Variants in CFAP96 observed in about 807,000 individuals in gnomAD.
CFAP96 encodes the protein cilia-and flagella-associated protein 96.
the CFAP96 span, chr4:185,440,760 A>C: frequency 1.3e-6 from 1 of 745,612 alleles, no homozygotes. Context: ...AAGTATTATA[A>C]AGAAATACTG....
At chr4:185,422,708 G>T in the CFAP96 span, 2 of 661,514 alleles carry the variant, frequency 3.0e-6, no homozygotes, top group African/African-American at 1.9e-5. Context: ...TTGTTTTATA[G>T]AAAAAACAAA....
the CFAP96 span, among the ~76,000 whole-genome samples, chr4:185,427,258 T>A: frequency 2.0e-5 from 3 of 152,174 alleles, no homozygotes; most frequent in Non-Finnish European, 4.4e-5. Context: ...TAAATGAAAG[T>A]ACTAAATCTT....
the CFAP96 span, among the ~76,000 whole-genome samples, chr4:185,434,292 C>T: frequency 1.6e-4 from 24 of 152,100 alleles, no homozygotes; most frequent in Non-Finnish European, 2.9e-4. Flanking sequence ...TACCTTTTGA[C>T]ACTTTGGATA....
chr4:185,431,148 T>TG, the CFAP96 span, among the ~76,000 whole-genome samples: 2 of 150,094 alleles, frequency 1.3e-5, no homozygotes, highest in East Asian at 3.9e-4. Flanking sequence ...AGGTGGAGGT[T>TG]GCAGTGAGCT....
chr4:185,445,686 G>A, the CFAP96 span: 2 of 559,206 alleles, frequency 3.6e-6, no homozygotes, highest in East Asian at 6.1e-5. Flanking sequence ...GTTCTTTGGA[G>A]TAAAAACAAT....
chr4:185,436,211 T>C, the CFAP96 span: 1 of 1,545,180 alleles, frequency 6.5e-7, no homozygotes, highest in Admixed American at 2.0e-5. Context: ...CTTTGTCATA[T>C]CGTTTGTTTT....
the CFAP96 span, chr4:185,445,195 C>T: frequency 1.5e-6 from 2 of 1,306,518 alleles, no homozygotes; most frequent in Non-Finnish European, 2.1e-6. Context: ...TATACTTCTT[C>T]AAAATAGTAT....
the CFAP96 span, chr4:185,422,539 G>A: frequency 3.1e-6 from 5 of 1,610,476 alleles, no homozygotes; most frequent in African/African-American, 4.0e-5. Context: ...ATTCTGAAGA[G>A]TATATCCATA....
chr4:185,418,459 G>C, the CFAP96 span: 1 of 1,608,848 alleles, frequency 6.2e-7, no homozygotes, highest in Non-Finnish European at 8.5e-7. Flanking sequence ...ATAACTTTTT[G>C]TCCTTCTTTC....
the CFAP96 span, chr4:185,415,029 T>TA: frequency 2.7e-6 from 2 of 743,782 alleles, no homozygotes; most frequent in African/African-American, 1.9e-5. Flanking sequence ...GTAAAATGAA[T>TA]AGTCTAAATT....
the CFAP96 span, among the ~76,000 whole-genome samples, chr4:185,448,899 A>T: frequency 3.3e-5 from 5 of 152,186 alleles, no homozygotes; most frequent in African/African-American, 7.2e-5. Flanking sequence ...AGAATAAGTG[A>T]TTATTCTTTT....
the CFAP96 span, chr4:185,426,035 C>T: frequency 2.7e-6 from 2 of 727,548 alleles, no homozygotes; most frequent in Non-Finnish European, 4.6e-6. Context: ...CACCGCAGTC[C>T]CTCGCGGACG....
chr4:185,425,891 G>T, the CFAP96 span: 1 of 1,596,302 alleles, frequency 6.3e-7, no homozygotes, highest in South Asian at 1.1e-5. Flanking sequence ...GCGGTGACAC[G>T]GGCGCTGACG....
At chr4:185,436,362 A>C in the CFAP96 span, 1 of 1,534,986 alleles carries the variant, frequency 6.5e-7, no homozygotes. Context: ...AGTATAAGGT[A>C]AAAAATCTGT....
the CFAP96 span, among the ~76,000 whole-genome samples, chr4:185,434,960 C>T: frequency 6.6e-6 from 1 of 152,046 alleles, no homozygotes; most frequent in South Asian, 2.1e-4. Flanking sequence ...AGGCTGGTCT[C>T]AAACTCCTGA....
the CFAP96 span, among the ~76,000 whole-genome samples, chr4:185,414,558 C>T: frequency 6.6e-6 from 1 of 152,104 alleles, no homozygotes; most frequent in Non-Finnish European, 1.5e-5. Flanking sequence ...TCTCGCTCTC[C>T]CTAAGGACAG....
the CFAP96 span, among the ~76,000 whole-genome samples, chr4:185,438,937 T>C: frequency 6.6e-6 from 1 of 152,224 alleles, no homozygotes; most frequent in African/African-American, 2.4e-5. Flanking sequence ...CCTCACATTC[T>C]TTCAGGTGGT....
chr4:185,414,007 C>T, the CFAP96 span: 1 of 699,738 alleles, frequency 1.4e-6, no homozygotes, highest in Non-Finnish European at 2.1e-6. Flanking sequence ...TGGTTTAATT[C>T]ACTAACATCA....
the CFAP96 span, among the ~76,000 whole-genome samples, chr4:185,417,941 G>T: frequency 1.3e-5 from 2 of 151,824 alleles, no homozygotes; most frequent in Non-Finnish European, 2.9e-5. Context: ...CTACTCAGGA[G>T]GCCGAGGCAG....
Sources: allele counts gnomAD v4.1 joint callset (sites outside exome capture counted in the v4.1 genomes callset), GRCh38; gene constraint gnomAD v4.1.1; transcripts MANE v1.5; gene names NCBI Gene and HGNC (gene_info 2026-07-23, HGNC 2026-07-21).